The following MGAT5 variants were observed in gnomAD, a reference collection of about 807,000 sequenced individuals.
MGAT5 encodes the protein alpha-1,6-mannosylglycoprotein 6-beta-N-acetylglucosaminyltransferase.
Under a neutral mutation model 94.3 loss-of-function variants are expected in MGAT5, and 30 were observed. That is an observed-to-expected ratio of 0.32 (90% CI 0.24 to 0.43). MGAT5 has a LOEUF of 0.43. MGAT5 is among the 20% of genes least tolerant of loss of function. The pLI is 1.00. For synonymous variants in MGAT5, 310 were observed against 322.9 expected (o/e 0.96, Z 0.43); for missense variants, 691 against 905.5 (o/e 0.76, Z 3.04).
chr2:134,274,403 A>C (rs1459233379), intron 2 of MGAT5, among the ~76,000 whole-genome samples: 1 of 152,224 alleles, frequency 6.6e-6, no homozygotes, highest in African/African-American at 2.4e-5. Flanking sequence ...ACACCGCCTA[A>C]GAAGTGGGAC....
chr2:134,281,419 G>A (rs182090630), intron 2 of MGAT5, among the ~76,000 whole-genome samples: 79 of 152,294 alleles, frequency 5.2e-4, no homozygotes, highest in Non-Finnish European at 9.3e-4. Context: ...ACCATCTACC[G>A]GAGGAGAATG....
At chr2:134,400,386 A>G (rs993898947) in intron 10 of MGAT5, among the ~76,000 whole-genome samples, 4 of 152,186 alleles carry the variant, frequency 2.6e-5, no homozygotes, top group Non-Finnish European at 2.9e-5. Context: ...TTTCACGTTT[A>G]TGAAATTGGT....
At chr2:134,412,504 T>C (rs1216112631) in intron 11 of MGAT5, among the ~76,000 whole-genome samples, 2 of 152,094 alleles carry the variant, frequency 1.3e-5, no homozygotes, top group Admixed American at 1.3e-4. Context: ...TTTCCAGTCA[T>C]GTCTCCTGGT....
intron 10 of MGAT5, among the ~76,000 whole-genome samples, chr2:134,393,896 A>G (rs181678504): frequency 1.4e-5 from 2 of 147,972 alleles, no homozygotes; most frequent in African/African-American, 5.0e-5. Flanking sequence ...AGGGAGAAGC[A>G]CATGCATATT....
chr2:134,285,377 T>G (rs1271316850), intron 2 of MGAT5, among the ~76,000 whole-genome samples: 4 of 152,132 alleles, frequency 2.6e-5, no homozygotes, highest in Admixed American at 6.5e-5. Context: ...AATAACTACA[T>G]AATAACTAGG....
chr2:134,390,733 C>T (rs901787700), intron 10 of MGAT5, among the ~76,000 whole-genome samples: 2 of 152,114 alleles, frequency 1.3e-5, no homozygotes, highest in Admixed American at 1.3e-4. Flanking sequence ...AACACTTCCC[C>T]CTAACCCTCC....
chr2:134,380,765 T>A (rs1459707329), intron 10 of MGAT5, among the ~76,000 whole-genome samples: 8 of 152,220 alleles, frequency 5.3e-5, no homozygotes, highest in Admixed American at 5.2e-4. Flanking sequence ...GTTGGTTATA[T>A]TCAATTTGTA....
chr2:134,178,076 T>C (rs1020879699), intron 1 of MGAT5, among the ~76,000 whole-genome samples: 7 of 152,100 alleles, frequency 4.6e-5, no homozygotes, highest in African/African-American at 1.7e-4. Flanking sequence ...AAACCAGTTT[T>C]GTTTTGTTTT....
At chr2:134,382,529 A>G (rs1681699861) in intron 10 of MGAT5, among the ~76,000 whole-genome samples, 1 of 152,182 alleles carries the variant, frequency 6.6e-6, no homozygotes, top group African/African-American at 2.4e-5. Flanking sequence ...GTAAAGCTAA[A>G]TATAGGGCCT....
At chr2:134,384,129 G>T (rs1681810904) in intron 10 of MGAT5, among the ~76,000 whole-genome samples, 2 of 151,516 alleles carry the variant, frequency 1.3e-5, no homozygotes, top group African/African-American at 4.9e-5. Context: ...ACTGTCTGTG[G>T]CTGCTTTTGA....
chr2:134,373,697 A>G (rs555920693), intron 10 of MGAT5, among the ~76,000 whole-genome samples: 2 of 152,254 alleles, frequency 1.3e-5, no homozygotes, highest in East Asian at 1.9e-4. Context: ...TTCAATACTG[A>G]GATACCGGGG....
chr2:134,276,103 G>A (rs1243822629), intron 2 of MGAT5, among the ~76,000 whole-genome samples: 1 of 151,992 alleles, frequency 6.6e-6, no homozygotes, highest in Non-Finnish European at 1.5e-5. Context: ...TTTCCTGATT[G>A]CCAGCTGAGA....
intron 1 of MGAT5, among the ~76,000 whole-genome samples, chr2:134,168,714 A>C (rs1688064385): frequency 6.6e-6 from 1 of 152,232 alleles, no homozygotes; most frequent in South Asian, 2.1e-4. Context: ...AGTTGGTCTT[A>C]TTTGAAATAC....
chr2:134,419,442 TTGTGTGTGTGTGTGTGTG>T (rs56181696), intron 12 of MGAT5, among the ~76,000 whole-genome samples: 20 of 134,222 alleles, frequency 1.5e-4, no homozygotes, highest in East Asian at 2.2e-4. Context: ...GCTTCAGGGT[TTGTGTGTGTGTGTGTGTG>T]TGTGTGTGTG....
At chr2:134,407,195 C>A (rs1382426451) in intron 11 of MGAT5, among the ~76,000 whole-genome samples, 1 of 152,162 alleles carries the variant, frequency 6.6e-6, no homozygotes, top group African/African-American at 2.4e-5. Flanking sequence ...TTGCCTACAT[C>A]TCCAGGCCCT....
intron 1 of MGAT5, among the ~76,000 whole-genome samples, chr2:134,269,918 G>C (rs1219014486): frequency 6.6e-6 from 1 of 152,238 alleles, no homozygotes; most frequent in African/African-American, 2.4e-5. Context: ...TGAAGTGTTA[G>C]TGTATGTAAC....
chr2:134,120,266 GGCT>G lies in MGAT5; in HGVS notation c.-156_-154del, dbSNP rs553466623. The stretch of plus-strand genomic sequence containing the variant: ...GGCACGGCGGCCGGCGGGTGCTCCC[GGCT>G]GCTGCTGCTGCCCAACAAGGAGGTA... On this transcript the variant is annotated 5_prime_UTR_variant, in exon 1 of 17. Coordinates refer to the MGAT5 transcript ENST00000409645. The G allele has an allele frequency of 4.2e-3, 1,607 of 386,640 alleles. 37 individuals are homozygous for G. The Admixed American group carries it at 0.045, about 11-fold the overall frequency. 24.0% of individuals were successfully genotyped at this position (386,640 alleles called of 1,614,324 possible).
rs146090256 is a variant in MGAT5, at chr2:134,325,330, T to C, written c.573+6591T>C. On this transcript the variant is annotated intron_variant, in intron 4 of 15. Transcript: ENST00000281923. Reference sequence around the variant, plus strand: ...ATACACATTTAAATATCGTCTCATGTAATTTCTATTGTATGACCCTAAAAA... The same window carrying C: ...ATACACATTTAAATATCGTCTCATGCAATTTCTATTGTATGACCCTAAAAA... Among the ~76,000 whole-genome samples, 185 of 152,278 alleles carry C rather than the reference T, an allele frequency of 1.2e-3. 2 individuals are homozygous for C. The highest frequency in any genetic ancestry group is 1.8e-3 in the Non-Finnish European group (121 of 67,998).
chr2:134,360,394 A>T, intron 9 of MGAT5, among the ~76,000 whole-genome samples: 1 of 152,086 alleles, frequency 6.6e-6, no homozygotes, highest in East Asian at 1.9e-4. Context: ...ATTTTTTACT[A>T]TATATTAGTA....
Sources: allele counts gnomAD v4.1 joint callset (sites outside exome capture counted in the v4.1 genomes callset), GRCh38; gene constraint gnomAD v4.1.1; transcripts MANE v1.5; gene names NCBI Gene and HGNC (gene_info 2026-07-23, HGNC 2026-07-21).